ITCH: variants seen among roughly 807,000 people sequenced by gnomAD.
ITCH encodes E3 ubiquitin-protein ligase Itchy homolog.
ITCH carries 28 observed loss-of-function variants against 126.8 expected under a neutral mutation model. The observed-to-expected ratio is 0.22, with a 90% CI of 0.16 to 0.30. The LOEUF (loss-of-function observed/expected upper bound fraction) is 0.30. Ranked by LOEUF, ITCH falls within the 10% of genes least tolerant of loss-of-function variation. The pLI, the probability that ITCH is intolerant of heterozygous loss-of-function variation, is 1.00. For missense variants in ITCH, 631 were observed against 1,032.4 expected, an observed-to-expected ratio of 0.61 and a Z score of 5.33; for synonymous variants, 342 against 340.0, an observed-to-expected ratio of 1.01 and a Z score of -0.06.
intron 3 of ITCH, among the ~76,000 whole-genome samples, chr20:34,395,414 G>C (rs571617109): frequency 6.6e-5 from 10 of 152,234 alleles, no homozygotes; most frequent in African/African-American, 2.4e-4. Flanking sequence ...AGAAGATTGA[G>C]GGAGGGGAGC....
At chr20:34,375,675 C>CA (rs2037810731) in intron 2 of ITCH, among the ~76,000 whole-genome samples, 1 of 141,440 alleles carries the variant, frequency 7.1e-6, no homozygotes, top group Non-Finnish European at 1.5e-5. Context: ...GGAATACACT[C>CA]ACAATGTATT....
At chr20:34,377,393 A>G (rs1234551300) in intron 2 of ITCH, among the ~76,000 whole-genome samples, 2 of 151,522 alleles carry the variant, frequency 1.3e-5, no homozygotes, top group Admixed American at 6.6e-5. Context: ...AAACCACCAA[A>G]GTAGTGTAAT....
At chr20:34,371,243 T>C (rs1000943279) in intron 2 of ITCH, among the ~76,000 whole-genome samples, 3 of 151,398 alleles carry the variant, frequency 2.0e-5, no homozygotes, top group African/African-American at 4.8e-5. Flanking sequence ...ATTGCCACTT[T>C]TGGGTATATA....
chr20:34,499,506 G>C (rs1228444052), intron 23 of ITCH, among the ~76,000 whole-genome samples: 2 of 150,910 alleles, frequency 1.3e-5, no homozygotes, highest in East Asian at 3.9e-4. Flanking sequence ...AATTTCTAAA[G>C]GTCCTTTGTA....
At chr20:34,402,444 AAAATGGAG>A (rs1403982221) in intron 3 of ITCH, 1 of 770,308 alleles carries the variant, frequency 1.3e-6, no homozygotes, top group East Asian at 2.4e-5. Flanking sequence ...TTTTCAAATG[AAAATGGAG>A]AGATGGAGAG....
At chr20:34,475,107 G>A (rs1344881204) in intron 16 of ITCH, among the ~76,000 whole-genome samples, 3 of 151,392 alleles carry the variant, frequency 2.0e-5, no homozygotes, top group African/African-American at 7.3e-5. Context: ...TGGCGGCCGG[G>A]AAGAGGCGCT....
chr20:34,439,549 T>TA (rs1201965175), intron 8 of ITCH, among the ~76,000 whole-genome samples: 2 of 152,254 alleles, frequency 1.3e-5, no homozygotes, highest in African/African-American at 2.4e-5. Context: ...GTGTGGGAGT[T>TA]ACGGGCGTAA....
chr20:34,365,028 C>T (rs2037365291), intron 1 of ITCH, among the ~76,000 whole-genome samples: 3 of 151,742 alleles, frequency 2.0e-5, no homozygotes, highest in East Asian at 1.9e-4. Flanking sequence ...CGTGAAACCC[C>T]GTCTCTACAA....
intron 12 of ITCH, among the ~76,000 whole-genome samples, chr20:34,454,831 T>TG (rs1568959920): frequency 2.2e-5 from 1 of 45,606 alleles, no homozygotes; most frequent in South Asian, 6.8e-4. Flanking sequence ...TTTTTTTTTT[T>TG]TTTTTTTTTT....
Position 34,438,632 on chromosome 20 carries a change from G to A in ITCH, c.679+1G>A, listed in dbSNP as rs1425407836. On this transcript the variant is annotated splice_donor_variant, in intron 8 of 24. Transcript: ENST00000374864. LOFTEE classifies it high-confidence loss of function. ...CCACCACCCACCCCACGTAGACCAGGTTTGTATTCCAGCTCTCAATACTCT... is the reference window on the plus strand; with the variant it reads ...CCACCACCCACCCCACGTAGACCAGATTTGTATTCCAGCTCTCAATACTCT... The A allele has an allele frequency of 6.2e-7, 1 of 1,613,576 alleles. No individual in the cohort carries two copies. Among genetic ancestry groups the A allele is most frequent in the Non-Finnish European group, 8.5e-7 (1 of 1,179,946 alleles).
At chr20:34,401,300 G>A (rs773529055) in intron 3 of ITCH, among the ~76,000 whole-genome samples, 15 of 151,268 alleles carry the variant, frequency 9.9e-5, no homozygotes, top group Non-Finnish European at 1.9e-4. Context: ...TTTTTTGACC[G>A]GGAAATTTTT....
At chr20:34,379,707 GC>G (rs2037979879) in intron 2 of ITCH, among the ~76,000 whole-genome samples, 1 of 149,074 alleles carries the variant, frequency 6.7e-6, no homozygotes, top group Non-Finnish European at 1.5e-5. Context: ...CCATTCTCCT[GC>G]CTCAGCCTCC....
intron 16 of ITCH, among the ~76,000 whole-genome samples, chr20:34,473,798 A>G (rs1221195095): frequency 6.6e-6 from 1 of 152,222 alleles, no homozygotes; most frequent in African/African-American, 2.4e-5. Context: ...TTACTGAGCA[A>G]TTAAATATTT....
chr20:34,370,919 A>G (rs896419690), intron 2 of ITCH, among the ~76,000 whole-genome samples: 3 of 152,146 alleles, frequency 2.0e-5, no homozygotes, highest in Non-Finnish European at 4.4e-5. Flanking sequence ...CTGTAATTCC[A>G]GCACTTTGGG....
At chr20:34,418,757 C>CTTTTTTTTTTTTTTTTTTTTTTTTCTT (rs373974620) in intron 6 of ITCH, among the ~76,000 whole-genome samples, 1 of 116,534 alleles carries the variant, frequency 8.6e-6, no homozygotes, top group South Asian at 2.7e-4. Context: ...TCTTTTTTTC[C>CTTTTTTTTTTTTTTTTTTTTTTTTCTT]TTTTTTTTTT....
At chr20:34,432,902 A>T (rs1271291839) in intron 7 of ITCH, among the ~76,000 whole-genome samples, 1 of 152,214 alleles carries the variant, frequency 6.6e-6, no homozygotes, top group Non-Finnish European at 1.5e-5. Flanking sequence ...GGTTGCAGTG[A>T]GCTGAAATCA....
chr20:34,447,455 A>G (rs1984603430), intron 11 of ITCH, among the ~76,000 whole-genome samples: 3 of 152,150 alleles, frequency 2.0e-5, no homozygotes, highest in Admixed American at 2.0e-4. Flanking sequence ...TTTGTCCACC[A>G]TTGTTGTTGT....
At chr20:34,366,343 C>T (rs561034043) in intron 1 of ITCH, among the ~76,000 whole-genome samples, 29 of 152,194 alleles carry the variant, frequency 1.9e-4, no homozygotes, top group Middle Eastern at 3.4e-3. Context: ...CCACCCCAGC[C>T]TCCCTGAGTA....
chr20:34,468,311 G>A (rs1987285596), intron 14 of ITCH, among the ~76,000 whole-genome samples: 1 of 151,418 alleles, frequency 6.6e-6, no homozygotes. Flanking sequence ...TGGGATTACA[G>A]GCGTGAGCTG....
Sources: allele counts gnomAD v4.1 joint callset (sites outside exome capture counted in the v4.1 genomes callset), GRCh38; gene constraint gnomAD v4.1.1; transcripts MANE v1.5; gene names NCBI Gene and HGNC (gene_info 2026-07-23, HGNC 2026-07-21).